The following RSBN1 variants were observed in gnomAD, a reference collection of about 807,000 sequenced individuals.
RSBN1 encodes the protein lysine-specific demethylase 9.
RSBN1 carries 23 observed loss-of-function variants against 74.8 expected under a neutral mutation model. That is an observed-to-expected ratio of 0.31 (90% CI 0.22 to 0.44). RSBN1 has a LOEUF of 0.44. Among genes scored for constraint, RSBN1 ranks in the 20% least tolerant of loss-of-function variants. The pLI is 1.00. For synonymous variants in RSBN1, 407 were observed against 379.6 expected (o/e 1.07, Z -0.84); for missense variants, 808 against 1,020.9 (o/e 0.79, Z 2.84).
chr1:113,800,944 G>A (rs1660571976), intron 1 of RSBN1, among the ~76,000 whole-genome samples: 1 of 150,354 alleles, frequency 6.7e-6, no homozygotes, highest in Non-Finnish European at 1.5e-5. Flanking sequence ...TAAATATGAA[G>A]TAAATTTCAA....
chr1:113,808,115 AAAAC>A (rs1195532022), intron 1 of RSBN1, among the ~76,000 whole-genome samples: 6 of 151,688 alleles, frequency 4.0e-5, no homozygotes, highest in Admixed American at 2.0e-4. Context: ...AGTATCTTAA[AAAAC>A]AAACAAACAA....
At chr1:113,791,935 T>G (rs548253371) in intron 2 of RSBN1, among the ~76,000 whole-genome samples, 8 of 152,110 alleles carry the variant, frequency 5.3e-5, no homozygotes, top group Non-Finnish European at 1.0e-4. Flanking sequence ...AAGATCAGAG[T>G]GCATATAACA....
At chr1:113,770,386 C>G (rs1016802479) in intron 4 of RSBN1, among the ~76,000 whole-genome samples, 2 of 152,190 alleles carry the variant, frequency 1.3e-5, no homozygotes, top group African/African-American at 4.8e-5. Flanking sequence ...CACTGACACA[C>G]TGACCATATG....
At chr1:113,793,907 A>G (rs1660419130) in intron 2 of RSBN1, among the ~76,000 whole-genome samples, 1 of 152,078 alleles carries the variant, frequency 6.6e-6, no homozygotes, top group South Asian at 2.1e-4. Context: ...ATCTCAAGCA[A>G]TCTGTTCACC....
At chr1:113,777,131 T>G (rs2101798518) in intron 4 of RSBN1, 79 bp downstream of exon 4, 1 of 1,354,556 alleles carries the variant, frequency 7.4e-7, no homozygotes, top group Non-Finnish European at 1.0e-6. Flanking sequence ...AGACAAATGG[T>G]TTTCAAACTG....
Position 113,763,126 on chromosome 1 carries a change from C to G in RSBN1, c.*2854G>C, listed in dbSNP as rs1211248898. On this transcript the variant is annotated 3_prime_UTR_variant, in exon 7 of 7. Coordinates refer to ENST00000261441, the MANE Select transcript of RSBN1 (RefSeq NM_018364.5). Reference sequence around the variant, plus strand: ...CTTTGAATCATCATCCTACTCCTAGCATATCTTGGTATAGAGAATTACTTC... The same window carrying G: ...CTTTGAATCATCATCCTACTCCTAGGATATCTTGGTATAGAGAATTACTTC... The G allele has an allele frequency of 1.3e-5, 2 of 152,730 alleles. No homozygotes were observed. The highest frequency in any genetic ancestry group is 3.7e-4 in the East Asian group (2 of 5,338). The allele number at this position is 152,730 out of a possible 1,614,324, so 9.5% of individuals were successfully genotyped here. A position where few individuals can be genotyped will look rare whatever the true frequency, so the allele number is the denominator to read the frequency against.
Position 113,766,624 on chromosome 1 carries a change from G to A in RSBN1, c.1936-171C>T, listed in dbSNP as rs1211187935. Reference sequence around the variant, plus strand: ...CTCTAAAAATTCTTGTAATGCCTGGGAAATTATTTTCCTCCTATTTTACTA... The same window carrying A: ...CTCTAAAAATTCTTGTAATGCCTGGAAAATTATTTTCCTCCTATTTTACTA... On this transcript the variant is annotated intron_variant, in intron 6 of 6. Transcript: ENST00000261441. 2.6e-5 allele frequency among the ~76,000 whole-genome samples: 4 copies of A among 152,188 alleles called. No homozygotes were observed. In the East Asian group the frequency reaches 7.7e-4, roughly 29 times the overall value.
chr1:113,784,860 G>A (rs1306407567), intron 2 of RSBN1, among the ~76,000 whole-genome samples: 4 of 152,166 alleles, frequency 2.6e-5, no homozygotes, highest in Non-Finnish European at 5.9e-5. Flanking sequence ...GTCAGTGAGT[G>A]AGTGGTGAGT....
chr1:113,780,267 T>G (rs1427569983), intron 2 of RSBN1, among the ~76,000 whole-genome samples: 1 of 152,270 alleles, frequency 6.6e-6, no homozygotes, highest in Non-Finnish European at 1.5e-5. Flanking sequence ...TGTGGCAGTT[T>G]TCAATTTACT....
At chr1:113,778,671 C>T (rs1660080599) in intron 2 of RSBN1, among the ~76,000 whole-genome samples, 1 of 152,080 alleles carries the variant, frequency 6.6e-6, no homozygotes, top group Non-Finnish European at 1.5e-5. Flanking sequence ...TGAATCTGCC[C>T]AATCTGGAAT....
chr1:113,793,586 C>T (rs535997242), intron 2 of RSBN1, among the ~76,000 whole-genome samples: 3 of 152,214 alleles, frequency 2.0e-5, no homozygotes, highest in East Asian at 1.9e-4. Flanking sequence ...TCTGCATCTC[C>T]GCATCTCCTG....
chr1:113,805,002 T>C (rs1660674544), intron 1 of RSBN1, among the ~76,000 whole-genome samples: 1 of 151,986 alleles, frequency 6.6e-6, no homozygotes, highest in Admixed American at 6.6e-5. Flanking sequence ...AGACAGCCTA[T>C]GGGGGCTGTC....
intron 1 of RSBN1, among the ~76,000 whole-genome samples, chr1:113,799,953 T>A (rs1558003549): frequency 1.3e-5 from 2 of 152,180 alleles, no homozygotes; most frequent in South Asian, 4.1e-4. Flanking sequence ...CTAACATAAT[T>A]GAAGTAATTT....
intron 2 of RSBN1, among the ~76,000 whole-genome samples, chr1:113,792,658 C>A (rs1296260339): frequency 6.6e-6 from 1 of 152,166 alleles, no homozygotes; most frequent in East Asian, 1.9e-4. Flanking sequence ...TCCACCACTT[C>A]CTGAAGTTTA....
chr1:113,787,500 T>C (rs749115713), intron 2 of RSBN1, among the ~76,000 whole-genome samples: 1 of 152,172 alleles, frequency 6.6e-6, no homozygotes, highest in Non-Finnish European at 1.5e-5. Flanking sequence ...CTTGAGTCAG[T>C]GAGACCCTTC....
chr1:113,811,300 CCT>C (rs1660838241), intron 1 of RSBN1, among the ~76,000 whole-genome samples: 1 of 152,176 alleles, frequency 6.6e-6, no homozygotes, highest in Non-Finnish European at 1.5e-5. Flanking sequence ...GAACCATACC[CCT>C]GACTATTCTG....
At chr1:113,804,061 C>G (rs772694802) in intron 1 of RSBN1, among the ~76,000 whole-genome samples, 1 of 151,508 alleles carries the variant, frequency 6.6e-6, no homozygotes, top group Non-Finnish European at 1.5e-5. Context: ...CCCAGGAGTT[C>G]GAGGTTACAG....
Position 113,763,634 on chromosome 1 carries a change from C to T in RSBN1, c.*2346G>A, listed in dbSNP as rs1292997883. 6.5e-6 allele frequency: 1 copy of T among 152,718 alleles called. No homozygotes were observed. Among genetic ancestry groups the T allele is most frequent in the Non-Finnish European group, 1.5e-5 (1 of 68,012 alleles). 9.5% of individuals were successfully genotyped at this position (152,718 alleles called of 1,614,324 possible). A position where few individuals can be genotyped will look rare whatever the true frequency, so the allele number is the denominator to read the frequency against. On this transcript the variant is annotated 3_prime_UTR_variant, in exon 7 of 7. Coordinates refer to ENST00000261441, the MANE Select transcript of RSBN1 (RefSeq NM_018364.5). ...ATCACGTTACTAGCTAAATGTTTCTCTTCATTCTATTGCAATTCTAACATA... is the reference window on the plus strand; with the variant it reads ...ATCACGTTACTAGCTAAATGTTTCTTTTCATTCTATTGCAATTCTAACATA...
intron 2 of RSBN1, 139 bp downstream of exon 2, chr1:113,797,224 G>T: frequency 1.4e-6 from 1 of 702,550 alleles, no homozygotes; most frequent in Admixed American, 3.0e-5. Context: ...TCAATTAGAG[G>T]AAGAGACAAA....
Sources: allele counts gnomAD v4.1 joint callset (sites outside exome capture counted in the v4.1 genomes callset), GRCh38; gene constraint gnomAD v4.1.1; transcripts MANE v1.5; gene names NCBI Gene and HGNC (gene_info 2026-07-23, HGNC 2026-07-21).